The following RAB7B variants were observed in gnomAD, a reference collection of about 807,000 sequenced individuals.
RAB7B encodes the protein RAB7B, member RAS oncogene family.
intron 1 of RAB7B, among the ~76,000 whole-genome samples, chr1:205,996,682 A>T (rs36139236): frequency 0.057 from 8,678 of 152,244 alleles, 255 homozygotes; most frequent in African/African-American, 0.069. Flanking sequence ...ATCTGTTCTC[A>T]TGCTATAAAG....
intron 1 of RAB7B, among the ~76,000 whole-genome samples, chr1:206,001,671 C>T (rs1273973927): frequency 1.3e-5 from 2 of 152,174 alleles, no homozygotes; most frequent in African/African-American, 2.4e-5. Flanking sequence ...GCAGAACTTG[C>T]GGTGACTGAC....
chr1:205,989,495 C>A (rs1028259017), intron 4 of RAB7B, among the ~76,000 whole-genome samples: 2 of 152,046 alleles, frequency 1.3e-5, no homozygotes, highest in African/African-American at 2.4e-5. Context: ...TATACGCAGC[C>A]GCCACCTCTC....
intron 1 of RAB7B, among the ~76,000 whole-genome samples, chr1:205,999,228 G>A (rs1478672314): frequency 1.3e-5 from 2 of 152,180 alleles, no homozygotes; most frequent in African/African-American, 4.8e-5. Flanking sequence ...GGTAGAAGGT[G>A]TGTGTGAGAC....
chr1:205,991,270 A>C (rs1660718451), intron 4 of RAB7B, among the ~76,000 whole-genome samples: 2 of 152,194 alleles, frequency 1.3e-5, no homozygotes, highest in East Asian at 3.9e-4. Flanking sequence ...TCTCACCCAC[A>C]GCTGGTCCCA....
chr1:205,985,342 G>C (rs1660572151), intron 5 of RAB7B, among the ~76,000 whole-genome samples, 198 bp downstream of exon 5: 2 of 152,152 alleles, frequency 1.3e-5, no homozygotes. Flanking sequence ...CTCTAAGGTA[G>C]CTTTCTACCT....
intron 1 of RAB7B, among the ~76,000 whole-genome samples, chr1:205,997,615 C>T (rs1444731435): frequency 4.3e-5 from 2 of 46,620 alleles, no homozygotes. Context: ...TATATTCCAA[C>T]AAAGAAGGCA....
intron 5 of RAB7B, among the ~76,000 whole-genome samples, chr1:205,983,122 C>T (rs1239087762): frequency 2.0e-5 from 3 of 152,154 alleles, no homozygotes; most frequent in Non-Finnish European, 4.4e-5. Flanking sequence ...GTTCACGAGG[C>T]CTTGGTGGCC....
At chr1:205,998,900 G>A (rs1660848612) in intron 1 of RAB7B, among the ~76,000 whole-genome samples, 1 of 152,184 alleles carries the variant, frequency 6.6e-6, no homozygotes, top group Non-Finnish European at 1.5e-5. Context: ...CACAAAGATA[G>A]CCTGTGAGAT....
rs1326056677 is a variant in RAB7B, at chr1:205,989,138, CCATCCTCT to C, written c.396+3334_396+3341del. Among the ~76,000 whole-genome samples the C allele has an allele frequency of 6.5e-3, 987 of 152,026 alleles. 9 individuals are homozygous for C. Among genetic ancestry groups the C allele is most frequent in the African/African-American group, 0.023 (951 of 41,412 alleles). On this transcript the variant is annotated intron_variant, in intron 4 of 5. Coordinates refer to ENST00000617070, the MANE Select transcript of RAB7B (RefSeq NM_001164522.3). ...GCTCCCCTCTCCTCCATCCTCTCCT[CCATCCTCT>C]CCTCACCCCTCCTCCATCCTCTCCA...
In RAB7B at chr1:205,978,643, T is replaced by C; in HGVS notation, c.*208A>G. ...GACATTCCGGGCTTCATCCAGACGC[T>C]CTCACTATACTCAGCCTGAGCCAGG... On this transcript the variant is annotated 3_prime_UTR_variant, in exon 6 of 6. Transcript: ENST00000617070. 1 of 383,672 alleles carries C rather than the reference T, an allele frequency of 2.6e-6. No individual in the cohort carries two copies. 23.8% of individuals were successfully genotyped at this position (383,672 alleles called of 1,614,324 possible).
chr1:205,981,153 G>A (rs1660484313), intron 5 of RAB7B, among the ~76,000 whole-genome samples: 1 of 152,050 alleles, frequency 6.6e-6, no homozygotes, highest in South Asian at 2.1e-4. Flanking sequence ...CTTGCCGGAT[G>A]TAATCCCAAA....
At chr1:206,002,025 C>T (rs961349447) in intron 1 of RAB7B, among the ~76,000 whole-genome samples, 8 of 152,248 alleles carry the variant, frequency 5.3e-5, no homozygotes, top group East Asian at 3.9e-4. Context: ...CAGAGTCTCC[C>T]GCCCCCATCA....
chr1:205,983,515 G>A (rs1660532057), intron 5 of RAB7B, among the ~76,000 whole-genome samples: 1 of 152,204 alleles, frequency 6.6e-6, no homozygotes, highest in East Asian at 1.9e-4. Context: ...TCTGAGGGCT[G>A]TGTCTCCAGC....
At chr1:205,991,895 C>T (rs1660727428) in intron 4 of RAB7B, among the ~76,000 whole-genome samples, 1 of 152,232 alleles carries the variant, frequency 6.6e-6, no homozygotes, top group Non-Finnish European at 1.5e-5. Context: ...CAAGTGGGGT[C>T]ACTGTAGTCA....
At chr1:205,993,368 G>A (rs1660757576) in intron 3 of RAB7B, 52 bp downstream of exon 3, 1 of 398,032 alleles carries the variant, frequency 2.5e-6, no homozygotes, top group Admixed American at 4.4e-5. Flanking sequence ...TCCGGGCTTG[G>A]GGGGGATTTT....
At chr1:205,980,187 C>T (rs887649897) in intron 5 of RAB7B, among the ~76,000 whole-genome samples, 1 of 152,176 alleles carries the variant, frequency 6.6e-6, no homozygotes, top group East Asian at 1.9e-4. Flanking sequence ...TGGGGATCCC[C>T]CATCTCTCAC....
intron 1 of RAB7B, among the ~76,000 whole-genome samples, chr1:205,997,759 G>C (rs1015929470): frequency 6.6e-6 from 1 of 152,176 alleles, no homozygotes; most frequent in Non-Finnish European, 1.5e-5. Flanking sequence ...ACTTTGGAAG[G>C]GTCCTAGGAG....
intron 1 of RAB7B, among the ~76,000 whole-genome samples, chr1:205,995,691 G>A (rs893464538): frequency 1.2e-4 from 19 of 152,270 alleles, no homozygotes; most frequent in African/African-American, 3.4e-4. Context: ...AATTGAACTC[G>A]TAGAAGTAGA....
At chr1:206,001,649 G>A (rs1036091662) in intron 1 of RAB7B, among the ~76,000 whole-genome samples, 1 of 152,150 alleles carries the variant, frequency 6.6e-6, no homozygotes, top group South Asian at 2.1e-4. Flanking sequence ...AGCCAGCCCC[G>A]GTCCACACAG....
Sources: gnomAD v4.1 joint callset for allele counts (sites outside exome capture counted in the v4.1 genomes callset) on GRCh38, gnomAD v4.1.1 for gene constraint, MANE v1.5 for transcripts, NCBI Gene and HGNC (gene_info 2026-07-23, HGNC 2026-07-21) for gene names.